The following SPRR5 variants were observed in gnomAD, a reference collection of about 807,000 sequenced individuals.
The protein encoded by SPRR5 is small proline-rich protein 5.
intron 1 of SPRR5, among the ~76,000 whole-genome samples, chr1:152,947,872 A>T (rs1361061603): frequency 6.6e-6 from 1 of 151,730 alleles, no homozygotes; most frequent in Non-Finnish European, 1.5e-5. Flanking sequence ...CTCTTTATAA[A>T]CTCCTTTAGA....
intron 1 of SPRR5, among the ~76,000 whole-genome samples, chr1:152,947,904 T>C (rs1173708099): frequency 2.0e-5 from 3 of 152,240 alleles, no homozygotes; most frequent in Non-Finnish European, 4.4e-5. Context: ...ATGCGCCTTT[T>C]AAATTGTTTA....
At chr1:152,947,674 G>A (rs1396023165) in intron 1 of SPRR5, among the ~76,000 whole-genome samples, 1 of 152,172 alleles carries the variant, frequency 6.6e-6, no homozygotes, top group Non-Finnish European at 1.5e-5. Flanking sequence ...TGTCCATGGA[G>A]CAAAGGGCTG....
chr1:152,948,898 C>A, exon 2 of SPRR5: 1 of 216,198 alleles, frequency 4.6e-6, no homozygotes, highest in South Asian at 1.8e-4. Flanking sequence ...GGCATGTGAT[C>A]AGAGGCGAAC....
chr1:152,948,808 C>A, exon 2 of SPRR5: 1 of 227,574 alleles, frequency 4.4e-6, no homozygotes, highest in Non-Finnish European at 8.3e-6. Flanking sequence ...TGCCAGCCCC[C>A]ACCCAAGTGC....
At chr1:152,948,692 G>A (rs1445525986) in exon 2 of SPRR5, 10 of 132,142 alleles carry the variant, frequency 7.6e-5, no homozygotes, top group East Asian at 1.2e-4. Flanking sequence ...GCTGCCCGCC[G>A]CCTCAACAAT....
chr1:152,948,655 A>ACC lies in SPRR5; in HGVS notation c.101_102insCC (p.Gln34HisfsTer93). Reference sequence around the variant, plus strand: ...CCCCAGCAGTGCTGCCCCCCGCCTCAACAGTGCTGCCCCCCACCCCAGCAG... The same window carrying ACC: ...CCCCAGCAGTGCTGCCCCCCGCCTCACCACAGTGCTGCCCCCCACCCCAGCAG... On this transcript the variant is annotated frameshift_variant, in exon 2 of 2. Transcript: ENST00000636302. LOFTEE classifies it high-confidence loss of function. 1.5e-5 allele frequency: 1 copy of ACC among 66,012 alleles called. No individual in the cohort carries two copies. The highest frequency in any genetic ancestry group is 4.5e-4 in the East Asian group (1 of 2,242). The allele number at this position is 66,012 out of a possible 1,614,324, so 4.1% of individuals were successfully genotyped here.
chr1:152,947,554 G>C (rs1444963284), intron 1 of SPRR5, among the ~76,000 whole-genome samples: 2 of 152,164 alleles, frequency 1.3e-5, no homozygotes, highest in African/African-American at 4.8e-5. Flanking sequence ...GAATTAGTAG[G>C]AGAGGAGAGA....
chr1:152,948,501 C>A, intron 1 of SPRR5, 36 bp from the exon 2 acceptor site: 1 of 307,114 alleles, frequency 3.3e-6, no homozygotes, highest in Non-Finnish European at 6.0e-6. Flanking sequence ...CTCTATGGCT[C>A]AAGTGTTCCT....
chr1:152,947,447 G>A (rs1421973936), intron 1 of SPRR5, among the ~76,000 whole-genome samples, 199 bp downstream of exon 1: 2 of 152,162 alleles, frequency 1.3e-5, no homozygotes, highest in Admixed American at 6.5e-5. Flanking sequence ...AGGCTGGGCT[G>A]AGCAGGGAGA....
At chr1:152,948,553 G>T in exon 2 of SPRR5, 1 of 328,284 alleles carries the variant, frequency 3.0e-6, no homozygotes, top group South Asian at 1.4e-4. Context: ...GTCCAGCCCA[G>T]AATGTCTCAG....
chr1:152,948,382 G>GCA (rs1004617547), intron 1 of SPRR5, among the ~76,000 whole-genome samples, 155 bp from the exon 2 acceptor site: 1 of 142,066 alleles, frequency 7.0e-6, no homozygotes, highest in African/African-American at 3.1e-5. Flanking sequence ...ACACATGCGC[G>GCA]CGCGCACACA....
At position 152,948,386 on chromosome 1, in the gene SPRR5, G is replaced by GCACACA. The variant is rs3054120; in HGVS notation, c.-18-139_-18-134dup. 5.2e-3 allele frequency among the ~76,000 whole-genome samples: 780 copies of GCACACA among 150,032 alleles called. 9 individuals are homozygous for GCACACA. Among genetic ancestry groups the GCACACA allele is most frequent in the African/African-American group, 0.016 (663 of 40,860 alleles). On this transcript the variant is annotated intron_variant, in intron 1 of 1. Transcript: ENST00000636302. ...ACTTAAAGTTTACACATGCGCGCGCGCACACACACACACACACTCCTCTTA... is the reference window on the plus strand; with the variant it reads ...ACTTAAAGTTTACACATGCGCGCGCGCACACACACACACACACACACACTCCTCTTA...
chr1:152,948,440 A>C (rs149381355), intron 1 of SPRR5, 97 bp from the exon 2 acceptor site: 238 of 210,292 alleles, frequency 1.1e-3, no homozygotes, highest in African/African-American at 5.1e-3. Context: ...GGCAAGGTAA[A>C]AGCAGAGCAG....
chr1:152,948,098 A>G (rs1042197662), intron 1 of SPRR5, among the ~76,000 whole-genome samples: 1 of 152,200 alleles, frequency 6.6e-6, no homozygotes, highest in Non-Finnish European at 1.5e-5. Flanking sequence ...GTTGCTCAAA[A>G]TCATATAGTT....
chr1:152,948,139 A>G (rs1011887376), intron 1 of SPRR5, among the ~76,000 whole-genome samples: 4 of 152,208 alleles, frequency 2.6e-5, no homozygotes, highest in African/African-American at 4.8e-5. Context: ...CTCAGATCCC[A>G]GGCAATTTAT....
At chr1:152,948,122 G>T (rs942487318) in intron 1 of SPRR5, among the ~76,000 whole-genome samples, 112 of 152,156 alleles carry the variant, frequency 7.4e-4, no homozygotes, top group Non-Finnish European at 3.7e-4. Context: ...AAATGATTTA[G>T]CCAGAACTCA....
intron 1 of SPRR5, among the ~76,000 whole-genome samples, chr1:152,948,060 C>T (rs973029150): frequency 6.6e-6 from 1 of 152,132 alleles, no homozygotes; most frequent in African/African-American, 2.4e-5. Flanking sequence ...TGCACCAACT[C>T]TAAGAGAGGT....
At chr1:152,947,211 C>T (rs879467567) in exon 1 of SPRR5, 2 of 152,244 alleles carry the variant, frequency 1.3e-5, no homozygotes, top group Non-Finnish European at 2.9e-5. Context: ...ATCCCAAACC[C>T]CTCCACACCT....
At chr1:152,947,216 A>G (rs1014265482) in exon 1 of SPRR5, 1 of 152,260 alleles carries the variant, frequency 6.6e-6, no homozygotes, top group African/African-American at 2.4e-5. Flanking sequence ...AAACCCCTCC[A>G]CACCTATCTG....
Sources: allele counts gnomAD v4.1 joint callset (sites outside exome capture counted in the v4.1 genomes callset), GRCh38; gene constraint gnomAD v4.1.1; transcripts MANE v1.5; gene names NCBI Gene and HGNC (gene_info 2026-07-23, HGNC 2026-07-21).